Variants in SHISA7 observed in about 807,000 individuals in gnomAD.
The protein encoded by SHISA7 is protein shisa-7.
Under a neutral mutation model 23.9 loss-of-function variants are expected in SHISA7, and 6 were observed. That is an observed-to-expected ratio of 0.25 (90% CI 0.14 to 0.50). SHISA7 has a LOEUF of 0.50. SHISA7 is among the 20% of genes least tolerant of loss of function. The probability of loss-of-function intolerance (pLI) is 0.98; values close to 1 mark genes in which losing one functional copy is unlikely to be tolerated. For synonymous variants in SHISA7, 386 were observed against 398.3 expected, an observed-to-expected ratio of 0.97 and a Z score of 0.37; for missense variants, 671 against 801.1, an observed-to-expected ratio of 0.84 and a Z score of 1.96.
Position 55,442,564 on chromosome 19 carries a change from G to C in SHISA7, c.300C>G (p.Thr100=). ...TGCCACAGCAGAAGCGGTAGGAGCC[G>C]GTGCTGCAGTTGAAGGTGGCGTCGT... ...GQYDATFNCS[T]GSYRFCCGTC... is the part of the protein sequence containing the mutation. The change falls in exon 1 of 4, where the codon ACC becomes ACG. Residue 100 remains threonine (T), a synonymous_variant. Transcript: ENST00000376325. 1 of 1,478,090 alleles carries C rather than the reference G, an allele frequency of 6.8e-7. No individual in the cohort carries two copies. The highest frequency in any genetic ancestry group is 9.0e-7 in the Non-Finnish European group (1 of 1,109,378). 91.6% of individuals were successfully genotyped at this position (1,478,090 alleles called of 1,614,324 possible). A position where few individuals can be genotyped will look rare whatever the true frequency, so the allele number is the denominator to read the frequency against.
In SHISA7 at chr19:55,433,860, C is replaced by T; in HGVS notation, c.977-64G>A. 1.5e-6 allele frequency: 2 copies of T among 1,344,136 alleles called. No individual in the cohort carries two copies. Among genetic ancestry groups the T allele is most frequent in the Non-Finnish European group, 1.9e-6 (2 of 1,051,968 alleles). 83.3% of individuals were successfully genotyped at this position (1,344,136 alleles called of 1,614,324 possible). ...CTGCGCATCTAGAGCCCTCCCCCTC[C>T]CACCTCGTCACATCCCGCTCCTATG... On this transcript the variant is annotated intron_variant, in intron 3 of 3. Transcript: ENST00000376325. The surrounding 1 kb of genome is among the most constrained non-coding windows in gnomAD (Gnocchi z 8.4).
chr19:55,434,718 GGTTGT>G (rs534154529), intron 3 of SHISA7, among the ~76,000 whole-genome samples: 75 of 120,624 alleles, frequency 6.2e-4, no homozygotes, highest in Non-Finnish European at 1.1e-3. Context: ...GTGGGTGTGT[GGTTGT>G]GTGGTGTGTG....
Position 55,442,786 on chromosome 19 carries a change from G to T in SHISA7, c.78C>A (p.Ser26Arg). 3 of 1,270,564 alleles carry T rather than the reference G, an allele frequency of 2.4e-6. No individual in the cohort carries two copies. The highest frequency in any genetic ancestry group is 4.9e-5 in the South Asian group (2 of 40,782). 78.7% of individuals were successfully genotyped at this position (1,270,564 alleles called of 1,614,324 possible). Residue 26 changes from serine to arginine, a missense_variant, in exon 1 of 4, where the codon AGC (serine) becomes AGA (arginine). Around this residue, in one of 5 missense-constraint regions of SHISA7, gnomAD observed 96 missense variants for 113.1 expected, o/e 0.85. Coordinates refer to ENST00000376325, the MANE Select transcript of SHISA7 (RefSeq NM_001145176.2). ...QARARPSNATSAEPAGPLPAL... is the reference protein window; with the variant it reads ...QARARPSNATRAEPAGPLPAL... ...CGGGCAGCGGGCCCGCGGGCTCGGC[G>T]CTCGTGGCGTTGGACGGGCGCGCCC...
At chr19:55,438,873 C>T (rs996473974) in intron 2 of SHISA7, among the ~76,000 whole-genome samples, 2 of 126,388 alleles carry the variant, frequency 1.6e-5, no homozygotes, top group East Asian at 2.0e-4. Flanking sequence ...TCTTAGCACC[C>T]CCCCCCCTGG....
intron 3 of SHISA7, among the ~76,000 whole-genome samples, chr19:55,435,396 T>TGG (rs1394877161): frequency 1.5e-5 from 1 of 67,594 alleles, no homozygotes; most frequent in African/African-American, 6.1e-5. Context: ...GGTGTGTGTG[T>TGG]GTGGGTGTGT....
chr19:55,437,891 C>T, intron 2 of SHISA7, 137 bp from the exon 3 acceptor site: 4 of 1,080,556 alleles, frequency 3.7e-6, no homozygotes, highest in Non-Finnish European at 5.1e-6. Flanking sequence ...GGAGTGCAGG[C>T]CCCCAGCCCC....
intron 3 of SHISA7, among the ~76,000 whole-genome samples, chr19:55,435,071 GGT>G (rs1285246727): frequency 1.7e-5 from 1 of 57,478 alleles, no homozygotes; most frequent in Non-Finnish European, 3.5e-5. Flanking sequence ...TAGTGTGTAT[GGT>G]GTGTGTGGTG....
chr19:55,433,141 G>T lies in SHISA7; in HGVS notation c.*15C>A. The T allele has an allele frequency of 6.6e-7, 1 of 1,514,908 alleles. No homozygotes were observed. The highest frequency in any genetic ancestry group is 1.2e-5 in the South Asian group (1 of 82,794). 93.8% of individuals were successfully genotyped at this position (1,514,908 alleles called of 1,614,324 possible). On this transcript the variant is annotated 3_prime_UTR_variant, in exon 4 of 4. Transcript: ENST00000376325. This position sits in a 1 kb window ranked among gnomAD's most constrained non-coding sequence, Gnocchi z 8.4. ...GGGCCCGGGAGGCCGCAGCCCCCCA[G>T]ACCCGGCCCTGGCCTCAGACAGTCA...
intron 3 of SHISA7, among the ~76,000 whole-genome samples, chr19:55,435,386 GGT>G (rs756443902): frequency 2.7e-4 from 32 of 118,764 alleles, no homozygotes; most frequent in South Asian, 1.9e-3. Context: ...GTGTATATGT[GGT>G]GTGTGTGTGT....
rs756443902 is a variant in SHISA7 at position 55,435,386 on chromosome 19, GGTGTGTGT to G, written c.977-1598_977-1591del. Among the ~76,000 whole-genome samples, 11 of 118,840 alleles carry G rather than the reference GGTGTGTGT, an allele frequency of 9.3e-5. No individual in the cohort carries two copies. In the South Asian group the frequency reaches 2.7e-3, roughly 29 times the overall value. The allele number at this position is 118,840 out of a possible 152,430, so 78.0% of individuals were successfully genotyped here. A position where few individuals can be genotyped will look rare whatever the true frequency, so the allele number is the denominator to read the frequency against. On this transcript the variant is annotated intron_variant, in intron 3 of 3. Transcript: ENST00000376325. ...TGTGGTGTGTGTGTGGTGTATATGT[GGTGTGTGT>G]GTGTGGGTGTGTGTTGTGTGTGTGT...
At position 55,433,194 on chromosome 19, in the gene SHISA7, G is replaced by A. The variant is rs1448097352; in HGVS notation, c.1579C>T (p.His527Tyr). 1 of 1,529,504 alleles carries A rather than the reference G, an allele frequency of 6.5e-7. No homozygotes were observed. Among genetic ancestry groups the A allele is most frequent in the Non-Finnish European group, 8.7e-7 (1 of 1,143,242 alleles). The allele number at this position is 1,529,504 out of a possible 1,614,324, so 94.7% of individuals were successfully genotyped here. A position where few individuals can be genotyped will look rare whatever the true frequency, so the allele number is the denominator to read the frequency against. ...QFIPGHHLPQ[H>Y]LRTASKNEVT... ...TCGTTCTTGCTGGCCGTGCGCAGGTGCTGGGGCAGGTGGTGGCCCGGGATG... is the reference window on the plus strand; with the variant it reads ...TCGTTCTTGCTGGCCGTGCGCAGGTACTGGGGCAGGTGGTGGCCCGGGATG... The change falls in exon 4 of 4, where the codon CAC (histidine) becomes TAC (tyrosine). Residue 527 changes from histidine (H) to tyrosine (Y), a missense_variant. This residue lies in a region of SHISA7 where 457 missense variants were observed against 488.3 expected (regional missense o/e 0.94). Transcript: ENST00000376325. The surrounding 1 kb of genome is among the most constrained non-coding windows in gnomAD (Gnocchi z 8.4).
At chr19:55,434,523 TTGTG>T (rs1483072673) in intron 3 of SHISA7, among the ~76,000 whole-genome samples, 1 of 99,742 alleles carries the variant, frequency 1.0e-5, no homozygotes, top group Non-Finnish European at 2.0e-5. Flanking sequence ...GTGTGTGTGG[TTGTG>T]TGGTGTGTGT....
At chr19:55,435,394 T>TG (rs1568451301) in intron 3 of SHISA7, among the ~76,000 whole-genome samples, 4,077 of 123,388 alleles carry the variant, frequency 0.033, 218 homozygotes, top group African/African-American at 0.11. Context: ...GTGGTGTGTG[T>TG]GTGTGGGTGT....
At chr19:55,438,723 C>T (rs890304683) in intron 2 of SHISA7, 11 of 1,018,092 alleles carry the variant, frequency 1.1e-5, no homozygotes, top group Middle Eastern at 2.4e-4. Flanking sequence ...GCCCCAAGGT[C>T]GGCCCCACAT....
Position 55,430,823 on chromosome 19 carries a change from C to T in SHISA7, c.*2333G>A, listed in dbSNP as rs1199090819. The T allele has an allele frequency of 6.8e-6, 1 of 146,364 alleles. No homozygotes were observed. The highest frequency in any genetic ancestry group is 2.0e-4 in the East Asian group (1 of 4,920). 9.1% of individuals were successfully genotyped at this position (146,364 alleles called of 1,614,324 possible). A position where few individuals can be genotyped will look rare whatever the true frequency, so the allele number is the denominator to read the frequency against. ...TCATGGATCCTGGGAGAAGATGACA[C>T]CAGGGTTATGGTGGATACTAGTGGA... On this transcript the variant is annotated 3_prime_UTR_variant, in exon 4 of 4. Coordinates refer to ENST00000376325, the MANE Select transcript of SHISA7 (RefSeq NM_001145176.2).
intron 2 of SHISA7, chr19:55,438,557 G>A (rs759149780): frequency 5.6e-5 from 73 of 1,304,166 alleles, no homozygotes; most frequent in Admixed American, 6.9e-5. Context: ...GCCCTCTTCC[G>A]CACCCAGTGT....
At chr19:55,434,720 T>TGTG (rs1985349886) in intron 3 of SHISA7, among the ~76,000 whole-genome samples, 1 of 71,598 alleles carries the variant, frequency 1.4e-5, no homozygotes, top group Non-Finnish European at 2.7e-5. Context: ...GGGTGTGTGG[T>TGTG]TGTGTGGTGT....
In SHISA7 at chr19:55,433,309, C is replaced by T. The variant is rs1253183843; in HGVS notation, c.1464G>A (p.Pro488=). The part of the protein sequence containing the change: ...HHHALHGSPQ[P]AWMSDAGGGG... The stretch of plus-strand genomic sequence containing the variant: ...CCCCGCCGGCGTCGGACATCCAGGC[C>T]GGCTGCGGCGAGCCGTGCAGGGCGT... Residue 488 remains proline (P), a synonymous_variant, in exon 4 of 4, where the codon CCG becomes CCA. Transcript: ENST00000376325. The surrounding 1 kb of genome is among the most constrained non-coding windows in gnomAD (Gnocchi z 8.4). The T allele has an allele frequency of 1.5e-5, 23 of 1,487,712 alleles. No individual in the cohort carries two copies. Among genetic ancestry groups the T allele is most frequent in the Non-Finnish European group, 2.0e-5 (22 of 1,127,454 alleles). 92.2% of individuals were successfully genotyped at this position (1,487,712 alleles called of 1,614,324 possible). A position where few individuals can be genotyped will look rare whatever the true frequency, so the allele number is the denominator to read the frequency against.
chr19:55,435,122 G>GGT (rs1412680306), intron 3 of SHISA7, among the ~76,000 whole-genome samples: 2 of 115,036 alleles, frequency 1.7e-5, no homozygotes, highest in African/African-American at 3.2e-5. Flanking sequence ...TGGTGTGTGT[G>GGT]GTGTGTGTGG....
Sources: allele counts gnomAD v4.1 joint callset (sites outside exome capture counted in the v4.1 genomes callset), GRCh38; gene constraint gnomAD v4.1.1; regional missense constraint gnomAD v4.1.1; non-coding constraint Gnocchi (gnomAD v3.1); transcripts MANE v1.5; gene names NCBI Gene and HGNC (gene_info 2026-07-23, HGNC 2026-07-21).